Variants in OR51B5 observed in about 807,000 individuals in gnomAD.
OR51B5 encodes the protein olfactory receptor 51B5.
For missense variants in OR51B5, 456 were observed against 374.6 expected (o/e 1.22, Z -1.79); for synonymous variants, 186 against 144.8 (o/e 1.28, Z -2.04).
rs542173609 is a variant in OR51B5, at chr11:5,387,553, GC to G, written n.85-40644del. Reference sequence around the variant, plus strand: ...CACAAGTATAATAAAATTCAAAGTAGCTTGCGTGACCTGCAAGATCATACAT... The same window carrying G: ...CACAAGTATAATAAAATTCAAAGTAGTTGCGTGACCTGCAAGATCATACAT... On this transcript the variant is annotated intron_variant and non_coding_transcript_variant, in intron 1 of 4. Coordinates refer to the OR51B5 transcript ENST00000415970. Among the ~76,000 whole-genome samples the G allele has an allele frequency of 2.1e-3, 316 of 152,114 alleles. 5 individuals carry two copies. Among genetic ancestry groups the G allele is most frequent in the South Asian group, 0.011 (53 of 4,818 alleles).
chr11:5,416,440 G>C (rs1850244642), intron 1 of OR51B5, among the ~76,000 whole-genome samples: 1 of 152,148 alleles, frequency 6.6e-6, no homozygotes, highest in African/African-American at 2.4e-5. Context: ...AATTAGGCAG[G>C]AAAAGGAAAT....
intron 1 of OR51B5, among the ~76,000 whole-genome samples, chr11:5,437,585 C>G (rs548899152): frequency 1.3e-5 from 2 of 152,274 alleles, no homozygotes; most frequent in South Asian, 4.1e-4. Flanking sequence ...GCCTTGCCAC[C>G]TGATTTTAGA....
chr11:5,364,500 A>G (rs1849337000), intron 1 of OR51B5, among the ~76,000 whole-genome samples: 1 of 152,230 alleles, frequency 6.6e-6, no homozygotes, highest in South Asian at 2.1e-4. Flanking sequence ...TCCTTGCTGG[A>G]CTATAAATTC....
chr11:5,501,115 T>C (rs1046677817), intron 1 of OR51B5, among the ~76,000 whole-genome samples: 2 of 148,128 alleles, frequency 1.4e-5, no homozygotes, highest in Non-Finnish European at 3.0e-5. Context: ...CATAGGTGTA[T>C]GGAGGGCTGA....
At chr11:5,427,384 C>T (rs1022368315) in intron 1 of OR51B5, among the ~76,000 whole-genome samples, 1 of 152,176 alleles carries the variant, frequency 6.6e-6, no homozygotes, top group Non-Finnish European at 1.5e-5. Flanking sequence ...TGACAGATGG[C>T]GTGAGCCAGG....
chr11:5,395,152 C>T (rs1406386944), intron 1 of OR51B5, among the ~76,000 whole-genome samples: 1 of 152,184 alleles, frequency 6.6e-6, no homozygotes, highest in Non-Finnish European at 1.5e-5. Context: ...ATGCTAATCC[C>T]TCTTTGACAT....
chr11:5,496,092 A>G lies in OR51B5; in HGVS notation n.84+9477T>C, dbSNP rs1851646624. Reference sequence around the variant, plus strand: ...CCTCTTCTTGCCTTCCCTGATTGTGACCTAGTGATATTCAAATGTACCAGT... The same window carrying G: ...CCTCTTCTTGCCTTCCCTGATTGTGGCCTAGTGATATTCAAATGTACCAGT... On this transcript the variant is annotated intron_variant and non_coding_transcript_variant, in intron 1 of 4. Transcript: ENST00000415970. Among the ~76,000 whole-genome samples, 3 of 151,880 alleles carry G rather than the reference A, an allele frequency of 2.0e-5. No homozygotes were observed. In the Middle Eastern group the frequency reaches 0.01, roughly 517 times the overall value.
exon 1 of OR51B5, chr11:5,505,613 G>A (rs926872915): frequency 1.9e-6 from 1 of 539,974 alleles, no homozygotes; most frequent in Non-Finnish European, 2.8e-6. Context: ...GCCAGGAGAA[G>A]CAAGTCACAT....
intron 1 of OR51B5, chr11:5,390,407 G>T (rs974069072): frequency 3.9e-6 from 6 of 1,526,322 alleles, no homozygotes; most frequent in Non-Finnish European, 5.3e-6. Flanking sequence ...CCCCCTAGAG[G>T]CCTATAAGAA....
intron 1 of OR51B5, among the ~76,000 whole-genome samples, chr11:5,476,177 A>G (rs186873527): frequency 7.5e-4 from 114 of 152,348 alleles, no homozygotes; most frequent in South Asian, 5.0e-3. Flanking sequence ...TCAGTGGATT[A>G]TAACTATTTC....
intron 1 of OR51B5, among the ~76,000 whole-genome samples, chr11:5,490,972 T>C (rs1189001155): frequency 6.6e-6 from 1 of 152,378 alleles, no homozygotes; most frequent in Non-Finnish European, 1.5e-5. Context: ...AGTGTTCATT[T>C]ATTTGCTTTT....
At chr11:5,444,603 C>T (rs1194815550) in intron 1 of OR51B5, among the ~76,000 whole-genome samples, 3 of 152,182 alleles carry the variant, frequency 2.0e-5, no homozygotes, top group African/African-American at 7.2e-5. Flanking sequence ...AAGCAGGGAG[C>T]ACTCACTGGA....
Position 5,468,680 on chromosome 11 carries a change from A to G in OR51B5, n.84+36889T>C, listed in dbSNP as rs1053369339. 10 of 456,582 alleles carry G rather than the reference A, an allele frequency of 2.2e-5. No homozygotes were observed. In the Admixed American group the frequency reaches 2.3e-4, roughly 11 times the overall value. 28.3% of individuals were successfully genotyped at this position (456,582 alleles called of 1,614,324 possible). A position where few individuals can be genotyped will look rare whatever the true frequency, so the allele number is the denominator to read the frequency against. ...CACATAGAAGATCAGCACTGCATAG[A>G]TATGTGACACACATGTGTTGAGTGT... On this transcript the variant is annotated intron_variant and non_coding_transcript_variant, in intron 1 of 4. Transcript: ENST00000415970.
intron 1 of OR51B5, among the ~76,000 whole-genome samples, chr11:5,465,063 G>A (rs572474790): frequency 6.3e-4 from 96 of 151,714 alleles, no homozygotes; most frequent in Non-Finnish European, 9.0e-4. Context: ...AAAATTGTCC[G>A]GGCGTAGTGG....
At chr11:5,381,911 G>C (rs1387469417) in intron 1 of OR51B5, among the ~76,000 whole-genome samples, 1 of 152,174 alleles carries the variant, frequency 6.6e-6, no homozygotes, top group Non-Finnish European at 1.5e-5. Flanking sequence ...ATCTCTAAAT[G>C]GTAGGTTATC....
upstream of OR51B5, among the ~76,000 whole-genome samples, chr11:5,344,540 TGAAGA>T (rs1413676570): frequency 2.0e-5 from 3 of 152,288 alleles, no homozygotes; most frequent in Non-Finnish European, 4.4e-5. Context: ...TGTCTTTTAC[TGAAGA>T]GAAGAGATTA....
chr11:5,346,901 T>C (rs1849000917), upstream of OR51B5: 1 of 152,154 alleles, frequency 6.6e-6, no homozygotes, highest in Non-Finnish European at 1.5e-5. Context: ...ATGTTGTTCC[T>C]TCTCAACATC....
chr11:5,352,066 T>C (rs775166011), intron 1 of OR51B5: 1 of 1,614,098 alleles, frequency 6.2e-7, no homozygotes, highest in South Asian at 1.1e-5. Flanking sequence ...CAAGCTAGCC[T>C]GTGCTGACAT....
chr11:5,397,177 T>C lies in OR51B5; in HGVS notation n.85-50267A>G, dbSNP rs554629273. 2.6e-5 allele frequency among the ~76,000 whole-genome samples: 4 copies of C among 152,248 alleles called. No homozygotes were observed. The South Asian group carries it at 8.3e-4, about 32-fold the overall frequency. ...TTCATGTCTAAAACACCAAAAGCAATGGCAACAAAAGCCAAAATTCACTAA... is the reference window on the plus strand; with the variant it reads ...TTCATGTCTAAAACACCAAAAGCAACGGCAACAAAAGCCAAAATTCACTAA... On this transcript the variant is annotated intron_variant and non_coding_transcript_variant, in intron 1 of 4. Coordinates refer to the OR51B5 transcript ENST00000415970.
Sources: allele counts gnomAD v4.1 joint callset (sites outside exome capture counted in the v4.1 genomes callset), GRCh38; gene constraint gnomAD v4.1.1; transcripts MANE v1.5; gene names NCBI Gene and HGNC (gene_info 2026-07-23, HGNC 2026-07-21).